DHX33: variants seen among roughly 807,000 people sequenced by gnomAD.
DHX33 encodes the protein DEAH-box helicase 33.
Under a neutral mutation model 72.5 loss-of-function variants are expected in DHX33, and 42 were observed. That is an observed-to-expected ratio of 0.58 (90% CI 0.45 to 0.75). The LOEUF is 0.75. DHX33 is among the 30% of genes least tolerant of loss of function. The probability of loss-of-function intolerance (pLI) is 0.00; values close to 1 mark genes in which losing one functional copy is unlikely to be tolerated. For synonymous variants in DHX33, 358 were observed against 366.1 expected (o/e 0.98, Z 0.25); for missense variants, 842 against 917.5 (o/e 0.92, Z 1.06).
chr17:5,454,968 C>G (rs888599519), intron 6 of DHX33, among the ~76,000 whole-genome samples, 192 bp downstream of exon 6: 1 of 152,232 alleles, frequency 6.6e-6, no homozygotes, highest in African/African-American at 2.4e-5. Context: ...TTTCCTGCCT[C>G]TACTTCCTGT....
At position 5,444,076 on chromosome 17, in the gene DHX33, G is replaced by A. The variant is rs1916536408; in HGVS notation, c.*129C>T. On this transcript the variant is annotated 3_prime_UTR_variant, in exon 12 of 12. Coordinates refer to ENST00000225296, the MANE Select transcript of DHX33 (RefSeq NM_020162.4). The surrounding 1 kb of genome is among the most constrained non-coding windows in gnomAD (Gnocchi z 4.9). ...AGGAGTTGAGCAAAGATGCTTTCAC[G>A]CTCCTGGAAGTCAGGCACCTTCAGC... 4.7e-6 allele frequency: 5 copies of A among 1,052,966 alleles called. No individual in the cohort carries two copies. The highest frequency in any genetic ancestry group is 6.7e-6 in the Non-Finnish European group (5 of 740,854). The allele number at this position is 1,052,966 out of a possible 1,614,324, so 65.2% of individuals were successfully genotyped here. A position where few individuals can be genotyped will look rare whatever the true frequency, so the allele number is the denominator to read the frequency against.
intron 5 of DHX33, 106 bp downstream of exon 5, chr17:5,455,890 TC>T: frequency 8.1e-7 from 1 of 1,235,732 alleles, no homozygotes; most frequent in South Asian, 1.5e-5. Context: ...CACCTGGGTA[TC>T]CCATCCCATA....
At chr17:5,458,463 A>T (rs2151689268) in intron 4 of DHX33, among the ~76,000 whole-genome samples, 1 of 152,288 alleles carries the variant, frequency 6.6e-6, no homozygotes, top group Admixed American at 6.5e-5. Flanking sequence ...AAACATCATA[A>T]TAGGCCAGAC....
rs776214315 is a variant in DHX33 at position 5,460,975 on chromosome 17, C to T, written c.813G>A (p.Leu271=). The change falls in exon 4 of 12, where the codon CTG becomes CTA. Residue 271 remains leucine (L), a synonymous_variant. Transcript: ENST00000225296. ...FYTKQPQNDY[L]HAALVSVFQI... ...GGAAGACGGAGACAAGCGCGGCGTGCAGGTAATCATTCTGAGGCTGTTTGG... is the reference window on the plus strand; with the variant it reads ...GGAAGACGGAGACAAGCGCGGCGTGTAGGTAATCATTCTGAGGCTGTTTGG... 6.2e-7 allele frequency: 1 copy of T among 1,613,830 alleles called. No individual in the cohort carries two copies. Among genetic ancestry groups the T allele is most frequent in the South Asian group, 1.1e-5 (1 of 91,042 alleles).
chr17:5,446,690 C>T (rs574986506), intron 11 of DHX33, among the ~76,000 whole-genome samples: 46 of 152,280 alleles, frequency 3.0e-4, no homozygotes, highest in African/African-American at 1.1e-3. Flanking sequence ...TAGATTATTA[C>T]TTAGTTACTG....
At chr17:5,448,428 A>G (rs570500858) in intron 11 of DHX33, among the ~76,000 whole-genome samples, 1 of 152,348 alleles carries the variant, frequency 6.6e-6, no homozygotes, top group East Asian at 1.9e-4. Flanking sequence ...AACTTTCTAC[A>G]TTATAAATCA....
At position 5,450,227 on chromosome 17, in the gene DHX33, G is replaced by A. The variant is rs754946404; in HGVS notation, c.1704C>T (p.Thr568=). ...DHMTLLNIYR[T]FKNLGGNKDW... is the part of the protein sequence containing the mutation. ...CCTTATTTCCGCCTAGGTTTTTGAA[G>A]GTCCGATAGATATTGAGCAGGGTCA... The change falls in exon 10 of 12, where the codon ACC becomes ACT. Residue 568 remains threonine (T), a synonymous_variant. Transcript: ENST00000225296. The A allele has an allele frequency of 6.2e-7, 1 of 1,614,070 alleles. No individual in the cohort carries two copies. Among genetic ancestry groups the A allele is most frequent in the African/African-American group, 1.3e-5 (1 of 74,912 alleles).
chr17:5,450,053 GA>G (rs1288511374), intron 10 of DHX33, 149 bp downstream of exon 10: 1 of 940,560 alleles, frequency 1.1e-6, no homozygotes, highest in East Asian at 2.6e-5. Flanking sequence ...AAGCATTTCT[GA>G]AATGCTGTCT....
rs376529454 is a variant in DHX33, at chr17:5,466,724, A to G, written c.289+1847T>C. ...CCTGCTTTGCAGCTAGGTAAAACCT[A>G]GGACACATGGAGCTAAATGCTGAAA... On this transcript the variant is annotated intron_variant, in intron 1 of 11. Coordinates refer to ENST00000225296, the MANE Select transcript of DHX33 (RefSeq NM_020162.4). 3.9e-5 allele frequency among the ~76,000 whole-genome samples: 6 copies of G among 152,246 alleles called. No individual in the cohort carries two copies. The South Asian group carries it at 1.2e-3, about 31-fold the overall frequency.
intron 8 of DHX33, among the ~76,000 whole-genome samples, chr17:5,453,036 G>A (rs1170047442): frequency 6.6e-6 from 1 of 152,202 alleles, no homozygotes; most frequent in East Asian, 1.9e-4. Flanking sequence ...TTCTTCTTCT[G>A]TAGAGAAATT....
At position 5,468,962 on chromosome 17, in the gene DHX33, T is replaced by TTTTTAA; in HGVS notation, c.-104_-103insTTAAAA. On this transcript the variant is annotated 5_prime_UTR_variant, in exon 1 of 12. Transcript: ENST00000225296. ...CCGCCCCTTCCTCGCCGCCACGTGC[T>TTTTTAA]GGCGGCTCCCGGCGACCACCGATGA... is the stretch of plus-strand genomic sequence containing the variant. 3 of 1,012,792 alleles carry TTTTTAA rather than the reference T, an allele frequency of 3.0e-6. No homozygotes were observed. The highest frequency in any genetic ancestry group is 2.9e-5 in the South Asian group (2 of 69,014). The allele number at this position is 1,012,792 out of a possible 1,614,324, so 62.7% of individuals were successfully genotyped here. A position where few individuals can be genotyped will look rare whatever the true frequency, so the allele number is the denominator to read the frequency against.
Position 5,463,511 on chromosome 17 carries a change from C to G in DHX33, c.450+18G>C. 6.2e-7 allele frequency: 1 copy of G among 1,612,800 alleles called. No homozygotes were observed. The highest frequency in any genetic ancestry group is 1.7e-5 in the Admixed American group (1 of 59,844). ...TGTTGAGTCAAGAAGTACTAATAGT[C>G]AAGAAGGAACCAGGTACCAGCTTCC... On this transcript the variant is annotated intron_variant, in intron 2 of 11. Transcript: ENST00000225296.
At chr17:5,465,036 G>C (rs11658701) in intron 1 of DHX33, among the ~76,000 whole-genome samples, 46,072 of 152,130 alleles carry the variant, frequency 0.3, 9,485 homozygotes, top group African/African-American at 0.58. Flanking sequence ...ACACCAGAAG[G>C]GAAGCTCCCA....
chr17:5,444,268 T>C lies in DHX33; in HGVS notation c.2061A>G (p.Ala687=). ...CYMRDLCVID[A]QWLYEAAPEY... is the part of the protein sequence containing the mutation. ...CAGGGGCAGCCTCGTACAGCCACTG[T>C]GCATCTATGACGCAGAGGTCCCGCA... Residue 687 remains alanine, a synonymous_variant, in exon 12 of 12, where the codon GCA becomes GCG. Transcript: ENST00000225296. This position sits in a 1 kb window ranked among gnomAD's most constrained non-coding sequence, Gnocchi z 4.9. The C allele has an allele frequency of 6.2e-7, 1 of 1,614,228 alleles. No homozygotes were observed. Among genetic ancestry groups the C allele is most frequent in the Non-Finnish European group, 8.5e-7 (1 of 1,180,046 alleles).
intron 1 of DHX33, 80 bp downstream of exon 1, chr17:5,468,491 T>A: frequency 6.7e-7 from 1 of 1,499,978 alleles, no homozygotes; most frequent in South Asian, 1.3e-5. Context: ...ACGAAAGGGA[T>A]TGAGAGGCAT....
At chr17:5,452,465 G>A (rs1221887253) in intron 8 of DHX33, among the ~76,000 whole-genome samples, 5 of 152,152 alleles carry the variant, frequency 3.3e-5, no homozygotes, top group Non-Finnish European at 7.3e-5. Context: ...ACCTGAACCC[G>A]GCAGGTGGAG....
intron 4 of DHX33, 69 bp downstream of exon 4, chr17:5,460,870 G>T: frequency 1.4e-5 from 22 of 1,517,348 alleles, no homozygotes; most frequent in Non-Finnish European, 2.0e-5. Flanking sequence ...TCTTTTCAAG[G>T]CTCAATGTTC....
intron 8 of DHX33, 111 bp downstream of exon 8, chr17:5,453,469 A>G (rs954541353): frequency 8.2e-6 from 7 of 850,186 alleles, no homozygotes; most frequent in Admixed American, 8.0e-5. Context: ...GTCATCCACA[A>G]AATTAAATAA....
In DHX33 at chr17:5,444,529, G is replaced by A. The variant is rs1298268040; in HGVS notation, c.1816-16C>T. On this transcript the variant is annotated splice_polypyrimidine_tract_variant and intron_variant, in intron 11 of 11. Coordinates refer to ENST00000225296, the MANE Select transcript of DHX33 (RefSeq NM_020162.4). This position sits in a 1 kb window ranked among gnomAD's most constrained non-coding sequence, Gnocchi z 4.9. ...GCATTGACATCTGTTTCGGGAGAAA[G>A]CGAGGAATGGAGCCGACCCCACACG... The A allele has an allele frequency of 6.2e-7, 1 of 1,609,326 alleles. No homozygotes were observed. The highest frequency in any genetic ancestry group is 1.3e-5 in the African/African-American group (1 of 75,036).
Sources: gnomAD v4.1 joint callset for allele counts (sites outside exome capture counted in the v4.1 genomes callset) on GRCh38, gnomAD v4.1.1 for gene constraint, Gnocchi (gnomAD v3.1) non-coding constraint, MANE v1.5 for transcripts, NCBI Gene and HGNC (gene_info 2026-07-23, HGNC 2026-07-21) for gene names.